The following SNX29 variants were observed in gnomAD, a reference collection of about 807,000 sequenced individuals.
The protein encoded by SNX29 is sorting nexin-29.
In SNX29, 78 loss-of-function variants were observed where a neutral mutation model predicts 102.1. The observed-to-expected ratio is 0.76, with a 90% CI of 0.64 to 0.92. The LOEUF (loss-of-function observed/expected upper bound fraction) is 0.92, where lower values mean the gene tolerates loss of function less well. Among genes scored for constraint, SNX29 ranks in the 40% least tolerant of loss-of-function variants. SNX29 has a pLI of 0.00. For synonymous variants in SNX29, 580 were observed against 414.5 expected, an observed-to-expected ratio of 1.40 and a Z score of -4.85; for missense variants, 1,280 against 1,061.7, an observed-to-expected ratio of 1.21 and a Z score of -2.86.
At chr16:12,197,843 G>A (rs971592003) in intron 13 of SNX29, among the ~76,000 whole-genome samples, 4 of 151,808 alleles carry the variant, frequency 2.6e-5, no homozygotes, top group Non-Finnish European at 4.4e-5. Flanking sequence ...GGTAGTGTCT[G>A]AGTTTGATCC....
chr16:12,124,989 C>T (rs1236240666), intron 11 of SNX29, among the ~76,000 whole-genome samples: 2 of 152,156 alleles, frequency 1.3e-5, no homozygotes, highest in Admixed American at 1.3e-4. Context: ...AAGGAAATCA[C>T]AATGATAGAG....
At chr16:12,539,284 C>A (rs187813487) in intron 20 of SNX29, among the ~76,000 whole-genome samples, 1 of 152,032 alleles carries the variant, frequency 6.6e-6, no homozygotes, top group Non-Finnish European at 1.5e-5. Context: ...CTGCACCCTC[C>A]CCCACCTCTA....
chr16:12,526,650 G>A (rs932296486), intron 20 of SNX29: 2 of 526,028 alleles, frequency 3.8e-6, no homozygotes, highest in African/African-American at 1.9e-5. Flanking sequence ...GGGGGAATTA[G>A]CCTCTCGCGG....
intron 18 of SNX29, among the ~76,000 whole-genome samples, chr16:12,430,973 C>T (rs768834305): frequency 7.2e-5 from 11 of 152,054 alleles, no homozygotes; most frequent in Non-Finnish European, 1.6e-4. Flanking sequence ...CTGCCTCAGC[C>T]TCCCGAGTAG....
At chr16:12,202,913 C>T (rs905838440) in intron 14 of SNX29, among the ~76,000 whole-genome samples, 1 of 152,258 alleles carries the variant, frequency 6.6e-6, no homozygotes, top group African/African-American at 2.4e-5. Context: ...GGAGTGGGCT[C>T]ACATTAGCCA....
intron 13 of SNX29, among the ~76,000 whole-genome samples, chr16:12,136,017 T>TA (rs1271410149): frequency 6.6e-6 from 1 of 152,238 alleles, no homozygotes; most frequent in Non-Finnish European, 1.5e-5. Flanking sequence ...GCCTCGCAGT[T>TA]ACTCTTCTGT....
intron 20 of SNX29, among the ~76,000 whole-genome samples, chr16:12,555,993 T>G (rs2141406312): frequency 6.6e-6 from 1 of 152,268 alleles, no homozygotes; most frequent in East Asian, 1.9e-4. Context: ...CAAGTGTTTT[T>G]TTTGTTCACT....
intron 18 of SNX29, among the ~76,000 whole-genome samples, chr16:12,470,135 C>T (rs1055619834): frequency 2.6e-5 from 4 of 152,220 alleles, no homozygotes; most frequent in African/African-American, 9.6e-5. Flanking sequence ...CAAGAAAGTT[C>T]CAGCTAATAC....
At chr16:12,254,574 G>T (rs1450134461) in intron 14 of SNX29, among the ~76,000 whole-genome samples, 4 of 152,078 alleles carry the variant, frequency 2.6e-5, no homozygotes, top group Non-Finnish European at 4.4e-5. Flanking sequence ...CCGGGAGGCA[G>T]AGGTTGCAGT....
intron 3 of SNX29, among the ~76,000 whole-genome samples, chr16:12,023,474 A>G (rs1436713138): frequency 6.7e-6 from 1 of 149,662 alleles, no homozygotes; most frequent in Non-Finnish European, 1.5e-5. Context: ...GTTACTTGGT[A>G]GGCTGAGGTG....
intron 20 of SNX29, among the ~76,000 whole-genome samples, chr16:12,530,585 C>T (rs528037499): frequency 6.7e-4 from 101 of 151,056 alleles, no homozygotes; most frequent in African/African-American, 2.2e-3. Flanking sequence ...GGAACAGTTG[C>T]GCTCTTGTCG....
chr16:12,262,572 G>A (rs181084001), intron 14 of SNX29, among the ~76,000 whole-genome samples: 1 of 152,280 alleles, frequency 6.6e-6, no homozygotes, highest in Non-Finnish European at 1.5e-5. Context: ...GTACACCGGC[G>A]GGATGAGAGC....
intron 18 of SNX29, among the ~76,000 whole-genome samples, chr16:12,457,879 G>C (rs1938933638): frequency 6.6e-6 from 1 of 152,212 alleles, no homozygotes; most frequent in African/African-American, 2.4e-5. Context: ...CAATTTGATT[G>C]CGTGGGGAGA....
intron 19 of SNX29, among the ~76,000 whole-genome samples, chr16:12,501,340 G>C (rs887536378): frequency 4.6e-5 from 7 of 152,152 alleles, no homozygotes; most frequent in Non-Finnish European, 5.9e-5. Context: ...GGAGTTCAAG[G>C]CTTCAGTGAG....
At chr16:12,007,473 G>A (rs563521088) in intron 3 of SNX29, among the ~76,000 whole-genome samples, 1 of 152,282 alleles carries the variant, frequency 6.6e-6, no homozygotes, top group African/African-American at 2.4e-5. Flanking sequence ...CCGTTGCAAT[G>A]CAGCCTGAGT....
intron 15 of SNX29, among the ~76,000 whole-genome samples, chr16:12,331,813 A>G (rs370914088): frequency 2.6e-5 from 4 of 152,142 alleles, no homozygotes; most frequent in East Asian, 1.9e-4. Flanking sequence ...CAGCCTCCCA[A>G]TGTGCTGGGA....
intron 16 of SNX29, among the ~76,000 whole-genome samples, chr16:12,368,585 C>T (rs2082570724): frequency 1.3e-5 from 2 of 152,192 alleles, no homozygotes; most frequent in Admixed American, 6.5e-5. Context: ...ACTTGTGTCT[C>T]TCTGGCTTCA....
intron 7 of SNX29, among the ~76,000 whole-genome samples, chr16:12,051,278 A>G (rs1489220208): frequency 6.6e-6 from 1 of 151,360 alleles, no homozygotes; most frequent in Non-Finnish European, 1.5e-5. Context: ...ACAGTGAGCT[A>G]TGATTGCACC....
chr16:12,528,692 C>T (rs528622354), intron 20 of SNX29, among the ~76,000 whole-genome samples: 1 of 152,210 alleles, frequency 6.6e-6, no homozygotes, highest in Non-Finnish European at 1.5e-5. Context: ...CTACCTGGCT[C>T]TGGAGTTTGC....
Sources: gnomAD v4.1 joint callset for allele counts (sites outside exome capture counted in the v4.1 genomes callset) on GRCh38, gnomAD v4.1.1 for gene constraint, MANE v1.5 for transcripts, NCBI Gene and HGNC (gene_info 2026-07-23, HGNC 2026-07-21) for gene names.